Variants in FSTL4 observed in about 807,000 individuals in gnomAD.
FSTL4 encodes follistatin-related protein 4.
A neutral mutation model predicts 78.2 loss-of-function variants in FSTL4; 28 were observed. The ratio of observed to expected loss-of-function variants is 0.36; its 90% CI spans 0.27 to 0.49. The LOEUF (loss-of-function observed/expected upper bound fraction) is 0.49, where lower values mean the gene tolerates loss of function less well. Ranked by LOEUF, FSTL4 falls within the 20% of genes least tolerant of loss-of-function variation. The pLI is 0.98. For missense variants in FSTL4, 922 were observed against 1,084.9 expected (o/e 0.85, Z 2.11); for synonymous variants, 422 against 440.5 (o/e 0.96, Z 0.53).
intron 4 of FSTL4, among the ~76,000 whole-genome samples, chr5:133,330,541 AC>A (rs1373101787): frequency 6.6e-6 from 1 of 151,938 alleles, no homozygotes; most frequent in African/African-American, 2.4e-5. Flanking sequence ...TGAGAATCCC[AC>A]CCCCATGATC....
chr5:133,517,480 C>A (rs1196692839), intron 3 of FSTL4, among the ~76,000 whole-genome samples: 14 of 1,062 alleles, frequency 0.013, no homozygotes, highest in Admixed American at 0.031. Flanking sequence ...ACACACACAC[C>A]ACACACACAC....
At chr5:133,223,018 G>A (rs1751198204) in intron 11 of FSTL4, among the ~76,000 whole-genome samples, 1 of 152,170 alleles carries the variant, frequency 6.6e-6, no homozygotes, top group South Asian at 2.1e-4. Flanking sequence ...CGGGCACTGG[G>A]GTCTTTGTAG....
At chr5:133,341,199 G>A (rs1391151344) in intron 4 of FSTL4, among the ~76,000 whole-genome samples, 2 of 149,360 alleles carry the variant, frequency 1.3e-5, no homozygotes, top group Non-Finnish European at 3.0e-5. Context: ...ACTAGTTAAC[G>A]TGAATATGTT....
At chr5:133,436,741 C>T (rs1025686175) in intron 3 of FSTL4, among the ~76,000 whole-genome samples, 3 of 151,912 alleles carry the variant, frequency 2.0e-5, no homozygotes, top group African/African-American at 4.8e-5. Context: ...CACCGAGAAC[C>T]GGTTGTTAAA....
chr5:133,384,971 T>C (rs1299216283), intron 4 of FSTL4, among the ~76,000 whole-genome samples: 1 of 152,202 alleles, frequency 6.6e-6, no homozygotes, highest in Non-Finnish European at 1.5e-5. Flanking sequence ...AACCCATTTC[T>C]CATCATTTAG....
At chr5:133,382,765 T>C (rs1755603957) in intron 4 of FSTL4, among the ~76,000 whole-genome samples, 1 of 152,172 alleles carries the variant, frequency 6.6e-6, no homozygotes, top group Non-Finnish European at 1.5e-5. Context: ...ATGTAATACA[T>C]ACTCCCAGTT....
chr5:133,460,260 C>T (rs1262681687), intron 3 of FSTL4, among the ~76,000 whole-genome samples: 1 of 152,060 alleles, frequency 6.6e-6, no homozygotes, highest in East Asian at 1.9e-4. Flanking sequence ...TTCAAGACAC[C>T]GAGAACCTGG....
chr5:133,364,632 G>C (rs1755142033), intron 4 of FSTL4, among the ~76,000 whole-genome samples: 2 of 152,206 alleles, frequency 1.3e-5, no homozygotes, highest in African/African-American at 2.4e-5. Flanking sequence ...CCACTTAATT[G>C]AATCTGTGCC....
At chr5:133,278,018 C>T (rs1752926278) in intron 6 of FSTL4, among the ~76,000 whole-genome samples, 1 of 152,168 alleles carries the variant, frequency 6.6e-6, no homozygotes, top group Admixed American at 6.5e-5. Flanking sequence ...ACCACAATAG[C>T]AGGAGGGTGA....
At chr5:133,511,037 GA>G (rs1406256653) in intron 3 of FSTL4, among the ~76,000 whole-genome samples, 2 of 152,178 alleles carry the variant, frequency 1.3e-5, no homozygotes, top group Non-Finnish European at 2.9e-5. Flanking sequence ...CCAGCTCAAG[GA>G]GTTTTTGCGA....
intron 12 of FSTL4, 40 bp downstream of exon 12, chr5:133,220,708 T>C (rs754502527): frequency 2.0e-6 from 2 of 983,876 alleles, no homozygotes; most frequent in Non-Finnish European, 3.3e-6. Context: ...GGATTTTGCC[T>C]GTGTATGATG....
chr5:133,271,706 C>T (rs1991467), intron 6 of FSTL4, among the ~76,000 whole-genome samples: 11,792 of 152,196 alleles, frequency 0.077, 1,412 homozygotes, highest in African/African-American at 0.25. Context: ...CAGCCTAAGT[C>T]GTAACCTGAA....
chr5:133,352,291 TATAC>T (rs1754843660), intron 4 of FSTL4, among the ~76,000 whole-genome samples: 1 of 133,418 alleles, frequency 7.5e-6, no homozygotes, highest in African/African-American at 2.9e-5. Context: ...CACACATATA[TATAC>T]ACACACATAT....
At chr5:133,577,281 T>C (rs557920689) in intron 2 of FSTL4, among the ~76,000 whole-genome samples, 1 of 152,290 alleles carries the variant, frequency 6.6e-6, no homozygotes, top group African/African-American at 2.4e-5. Context: ...CCTCCAGTTA[T>C]GCAGAGCTTG....
rs1580800365 is a variant in FSTL4 at position 133,577,195 on chromosome 5, G to A, written c.127-9976C>T. Reference sequence around the variant, plus strand: ...TGAGAGAATTAACCCTAAACCCGGGGCTAGTTTGAAAGCCAAGCTGAATAA... The same window carrying A: ...TGAGAGAATTAACCCTAAACCCGGGACTAGTTTGAAAGCCAAGCTGAATAA... On this transcript the variant is annotated intron_variant, in intron 2 of 15. Transcript: ENST00000265342. Among the ~76,000 whole-genome samples, 3 of 152,276 alleles carry A rather than the reference G, an allele frequency of 2.0e-5. No homozygotes were observed. In the South Asian group the frequency reaches 6.2e-4, roughly 32 times the overall value.
chr5:133,482,959 T>A (rs938653664), intron 3 of FSTL4, among the ~76,000 whole-genome samples: 6 of 152,164 alleles, frequency 3.9e-5, no homozygotes, highest in Non-Finnish European at 2.9e-5. Flanking sequence ...CTATGGAGAA[T>A]GATATGGTTT....
At chr5:133,748,356 G>T in the FSTL4 span, among the ~76,000 whole-genome samples, 2 of 152,006 alleles carry the variant, frequency 1.3e-5, no homozygotes, top group African/African-American at 4.8e-5. Flanking sequence ...GATTACTTGA[G>T]GTCAGGAGTT....
chr5:133,309,659 G>A (rs1179250565), intron 6 of FSTL4, among the ~76,000 whole-genome samples: 1 of 152,226 alleles, frequency 6.6e-6, no homozygotes, highest in Non-Finnish European at 1.5e-5. Context: ...TGCATGGGAA[G>A]ACATGATTCA....
At chr5:133,258,555 A>G (rs949132875) in intron 6 of FSTL4, among the ~76,000 whole-genome samples, 9 of 152,222 alleles carry the variant, frequency 5.9e-5, no homozygotes, top group African/African-American at 1.7e-4. Flanking sequence ...CGTAGAAGAC[A>G]TATACATCTT....
Sources: allele counts gnomAD v4.1 joint callset (sites outside exome capture counted in the v4.1 genomes callset), GRCh38; gene constraint gnomAD v4.1.1; transcripts MANE v1.5; gene names NCBI Gene and HGNC (gene_info 2026-07-23, HGNC 2026-07-21).